Variants in ORC3 observed in about 807,000 individuals in gnomAD.
ORC3 encodes the protein homolog of latheo, Drosophila.
ORC3 carries 78 observed loss-of-function variants against 100.7 expected under a neutral mutation model. That is an observed-to-expected ratio of 0.77 (90% CI 0.65 to 0.94). The LOEUF (loss-of-function observed/expected upper bound fraction) is 0.94. Ranked by LOEUF, ORC3 falls within the 40% of genes least tolerant of loss-of-function variation. The pLI is 0.00. For synonymous variants in ORC3, 295 were observed against 289.3 expected (o/e 1.02, Z -0.20); for missense variants, 789 against 823.9 (o/e 0.96, Z 0.52).
At chr6:87,592,157 C>A (rs1251961487) in intron 1 of ORC3, among the ~76,000 whole-genome samples, 1 of 152,234 alleles carries the variant, frequency 6.6e-6, no homozygotes, top group Non-Finnish European at 1.5e-5. Context: ...ACTACCACTG[C>A]CCTATATTAA....
At chr6:87,660,501 G>A (rs1770099691) in intron 16 of ORC3, among the ~76,000 whole-genome samples, 1 of 152,182 alleles carries the variant, frequency 6.6e-6, no homozygotes. Flanking sequence ...GCAGAGCTTG[G>A]AGTTATGGAG....
At chr6:87,623,874 A>C (rs1289959612) in intron 11 of ORC3, among the ~76,000 whole-genome samples, 1 of 151,194 alleles carries the variant, frequency 6.6e-6, no homozygotes, top group Non-Finnish European at 1.5e-5. Context: ...ACAGAGCAAG[A>C]CTCTGTCTTT....
chr6:87,623,087 G>A (rs1779646768), intron 11 of ORC3, among the ~76,000 whole-genome samples: 1 of 152,150 alleles, frequency 6.6e-6, no homozygotes. Context: ...TCTTATACAT[G>A]TACAATTATA....
At chr6:87,608,993 T>C (rs1408201518) in intron 6 of ORC3, 103 bp from the exon 7 acceptor site, 2 of 914,656 alleles carry the variant, frequency 2.2e-6, no homozygotes, top group Non-Finnish European at 3.2e-6. Context: ...ATAAACAGTG[T>C]TATTGTGAAA....
chr6:87,630,607 A>G (rs79322798), intron 11 of ORC3, among the ~76,000 whole-genome samples: 3,475 of 152,270 alleles, frequency 0.023, 126 homozygotes, highest in African/African-American at 0.078. Flanking sequence ...AATAAGTAAA[A>G]TATCTGTTAG....
rs538106985 is a variant in ORC3 at position 87,656,812 on chromosome 6, T to C, written c.1517-94T>C. The C allele has an allele frequency of 2.4e-5, 18 of 745,526 alleles. No homozygotes were observed. The African/African-American group carries it at 3.0e-4, about 12-fold the overall frequency. 46.2% of individuals were successfully genotyped at this position (745,526 alleles called of 1,614,324 possible). A position where few individuals can be genotyped will look rare whatever the true frequency, so the allele number is the denominator to read the frequency against. On this transcript the variant is annotated intron_variant, in intron 14 of 19. Coordinates refer to ENST00000392844, the MANE Select transcript of ORC3 (RefSeq NM_012381.4). The stretch of plus-strand genomic sequence containing the variant: ...CCTTGCCACATTAAAAAAATATATA[T>C]AGGTGAAACTTTTACTTTGGAGTAG...
intron 9 of ORC3, among the ~76,000 whole-genome samples, chr6:87,620,831 A>G (rs377720326): frequency 2.6e-5 from 4 of 152,210 alleles, no homozygotes; most frequent in East Asian, 3.8e-4. Flanking sequence ...TAAAATGCTT[A>G]TATCTACCAG....
chr6:87,626,716 G>A (rs1320894973), intron 11 of ORC3, among the ~76,000 whole-genome samples: 2 of 151,466 alleles, frequency 1.3e-5, no homozygotes, highest in Non-Finnish European at 2.9e-5. Context: ...TAACCAGGGA[G>A]GCAGAGGTTA....
chr6:87,634,664 T>C (rs1035506284), intron 11 of ORC3, among the ~76,000 whole-genome samples, 181 bp from the exon 12 acceptor site: 16 of 152,256 alleles, frequency 1.1e-4, no homozygotes, highest in Non-Finnish European at 1.8e-4. Context: ...GACTTGATAC[T>C]AAATCAGAAA....
At chr6:87,602,854 C>G (rs1706149824) in intron 3 of ORC3, among the ~76,000 whole-genome samples, 1 of 148,254 alleles carries the variant, frequency 6.7e-6, no homozygotes. Flanking sequence ...TTCAGTGGTG[C>G]TCCCCATAGG....
intron 1 of ORC3, 53 bp downstream of exon 1, chr6:87,590,245 G>A: frequency 6.3e-7 from 1 of 1,578,344 alleles, no homozygotes; most frequent in Non-Finnish European, 8.7e-7. Flanking sequence ...ATTCCCCTTT[G>A]AAGAAGGGAT....
chr6:87,626,347 C>G (rs1001377555), intron 11 of ORC3, among the ~76,000 whole-genome samples: 1 of 152,114 alleles, frequency 6.6e-6, no homozygotes, highest in Non-Finnish European at 1.5e-5. Context: ...TTGTTTGTGT[C>G]CTCTTTTATT....
At position 87,608,983 on chromosome 6, in the gene ORC3, A is replaced by T. The variant is rs551681028; in HGVS notation, c.580-113A>T. The T allele has an allele frequency of 5.0e-6, 4 of 804,126 alleles. No homozygotes were observed. In the East Asian group the frequency reaches 1.2e-4, roughly 24 times the overall value. 49.8% of individuals were successfully genotyped at this position (804,126 alleles called of 1,614,324 possible). On this transcript the variant is annotated intron_variant, in intron 6 of 19. Transcript: ENST00000392844. Reference sequence around the variant, plus strand: ...CTATTTATCGTGTGGTAGAAAAAAAATAAACAGTGTTATTGTGAAATTTAA... The same window carrying T: ...CTATTTATCGTGTGGTAGAAAAAAATTAAACAGTGTTATTGTGAAATTTAA...
intron 11 of ORC3, among the ~76,000 whole-genome samples, chr6:87,633,532 C>A (rs952100801): frequency 1.3e-5 from 2 of 152,104 alleles, no homozygotes; most frequent in South Asian, 4.1e-4. Flanking sequence ...ACCCGTAGAT[C>A]GTTGACCAAG....
downstream of ORC3, among the ~76,000 whole-genome samples, chr6:87,670,727 A>C (rs1040193765): frequency 2.6e-5 from 4 of 152,200 alleles, no homozygotes; most frequent in African/African-American, 9.7e-5. Flanking sequence ...TACATTCAAA[A>C]AGTACCAAGC....
intron 13 of ORC3, among the ~76,000 whole-genome samples, chr6:87,650,205 C>T (rs1465566256): frequency 6.6e-6 from 1 of 151,878 alleles, no homozygotes; most frequent in African/African-American, 2.4e-5. Context: ...AAGTGTGCGC[C>T]ACCAGGCTGA....
At chr6:87,622,053 C>T (rs773338477) in intron 11 of ORC3, 40 bp downstream of exon 11, 1 of 1,350,856 alleles carries the variant, frequency 7.4e-7, no homozygotes, top group East Asian at 2.3e-5. Context: ...TCTCTTTTTC[C>T]TTTCATAAAG....
Position 87,659,029 on chromosome 6 carries a change from G to GGC in ORC3, c.1691+1012_1691+1013insCG, listed in dbSNP as rs1554254495. The stretch of plus-strand genomic sequence containing the variant: ...AATACCTAAAAAGTGGGGCGGGGGG[G>GGC]GGAGAACCTGTTATCATTGTTTATT... On this transcript the variant is annotated intron_variant, in intron 16 of 19. Transcript: ENST00000392844. 1.4e-3 allele frequency among the ~76,000 whole-genome samples: 188 copies of GGC among 132,976 alleles called. 2 individuals are homozygous for GGC. Among genetic ancestry groups the GGC allele is most frequent in the African/African-American group, 5.2e-3 (180 of 34,432 alleles). The allele number at this position is 132,976 out of a possible 152,430, so 87.2% of individuals were successfully genotyped here. A position where few individuals can be genotyped will look rare whatever the true frequency, so the allele number is the denominator to read the frequency against.
chr6:87,635,968 A>G (rs1767788852), intron 12 of ORC3, among the ~76,000 whole-genome samples: 1 of 146,574 alleles, frequency 6.8e-6, no homozygotes, highest in Non-Finnish European at 1.5e-5. Flanking sequence ...TTTTTGAGAC[A>G]GAGTCTCGCT....
Sources: allele counts gnomAD v4.1 joint callset (sites outside exome capture counted in the v4.1 genomes callset), GRCh38; gene constraint gnomAD v4.1.1; transcripts MANE v1.5; gene names NCBI Gene and HGNC (gene_info 2026-07-23, HGNC 2026-07-21).